The following TJP1 variants were observed in gnomAD, a reference collection of about 807,000 sequenced individuals.
TJP1 encodes tight junction protein 1.
TJP1 carries 43 observed loss-of-function variants against 194.2 expected under a neutral mutation model. That is an observed-to-expected ratio of 0.22 (90% CI 0.17 to 0.29). The LOEUF is 0.29. Among genes scored for constraint, TJP1 ranks in the 10% least tolerant of loss-of-function variants. The pLI, the probability that TJP1 is intolerant of heterozygous loss-of-function variation, is 1.00. For synonymous variants in TJP1, 801 were observed against 779.0 expected, an observed-to-expected ratio of 1.03 and a Z score of -0.47; for missense variants, 1,971 against 2,185.7, an observed-to-expected ratio of 0.90 and a Z score of 1.96.
Position 29,832,131 on chromosome 15 carries a change from A to G in TJP1, c.307-31429T>C, listed in dbSNP as rs368014504. 2.0e-5 allele frequency among the ~76,000 whole-genome samples: 3 copies of G among 152,180 alleles called. No homozygotes were observed. The East Asian group carries it at 5.8e-4, about 30-fold the overall frequency. On this transcript the variant is annotated intron_variant, in intron 2 of 28. Transcript: ENST00000356107. ...TGGAGTCTTTTCTTCCATCCCTTGA[A>G]TCTGGTCAGCAGTGAGAACTGCTTT...
chr15:29,809,348 T>A (rs367998356), intron 1 of TJP1, among the ~76,000 whole-genome samples: 2 of 152,182 alleles, frequency 1.3e-5, no homozygotes, highest in Non-Finnish European at 2.9e-5. Context: ...CCAACCACCA[T>A]TGTAATCACC....
intron 10 of TJP1, 186 bp downstream of exon 10, chr15:29,741,145 T>C (rs1480044095): frequency 8.4e-6 from 4 of 478,148 alleles, no homozygotes; most frequent in East Asian, 3.9e-5. Flanking sequence ...AAAAGTTCCT[T>C]TGTTGTCTAA....
At chr15:29,778,559 A>G (rs1375100811) in intron 2 of TJP1, among the ~76,000 whole-genome samples, 1 of 152,092 alleles carries the variant, frequency 6.6e-6, no homozygotes, top group Non-Finnish European at 1.5e-5. Context: ...CCTCTAACAC[A>G]AAGACCCTAA....
chr15:29,756,555 A>C (rs2045655093), intron 8 of TJP1, among the ~76,000 whole-genome samples: 1 of 152,164 alleles, frequency 6.6e-6, no homozygotes, highest in Non-Finnish European at 1.5e-5. Context: ...AGTTCTAGAC[A>C]ACAGTGAGGA....
intron 2 of TJP1, among the ~76,000 whole-genome samples, chr15:29,864,443 T>C (rs1449638224): frequency 6.6e-6 from 1 of 152,102 alleles, no homozygotes; most frequent in Non-Finnish European, 1.5e-5. Flanking sequence ...ACTGTGCATC[T>C]CATTTAGCTT....
chr15:29,816,103 C>T (rs1189385645), intron 1 of TJP1, among the ~76,000 whole-genome samples: 1 of 151,978 alleles, frequency 6.6e-6, no homozygotes, highest in East Asian at 1.9e-4. Flanking sequence ...CTTGGCTCAA[C>T]TGCAAACTCT....
At chr15:29,812,581 C>A (rs528058236) in intron 1 of TJP1, among the ~76,000 whole-genome samples, 1 of 152,152 alleles carries the variant, frequency 6.6e-6, no homozygotes, top group Non-Finnish European at 1.5e-5. Flanking sequence ...CTAAGACTTA[C>A]CTAACACCAT....
chr15:29,948,242 C>A (rs1157330206), intron 2 of TJP1, among the ~76,000 whole-genome samples: 9 of 134,248 alleles, frequency 6.7e-5, no homozygotes, highest in Non-Finnish European at 1.2e-4. Flanking sequence ...AGCCTGGCAA[C>A]AGAGCAACAC....
Position 29,833,874 on chromosome 15 carries a change from TA to T in TJP1, c.307-33173del, listed in dbSNP as rs1567116944. ...TTTTGTAAGTATATATATATATATA[TA>T]TATATATTTTTTTTTTTTTTTTTTT... is the stretch of plus-strand genomic sequence containing the variant. On this transcript the variant is annotated intron_variant, in intron 2 of 28. Coordinates refer to the TJP1 transcript ENST00000356107. Among the ~76,000 whole-genome samples the T allele has an allele frequency of 3.6e-3, 82 of 22,752 alleles. 1 individual carries two copies. The highest frequency in any genetic ancestry group is 1.0e-2 in the African/African-American group (62 of 6,228). 14.9% of individuals were successfully genotyped at this position (22,752 alleles called of 152,430 possible).
chr15:29,818,335 A>C (rs556711977), intron 1 of TJP1, among the ~76,000 whole-genome samples: 2 of 152,372 alleles, frequency 1.3e-5, no homozygotes, highest in South Asian at 4.1e-4. Flanking sequence ...ATCGTTTCTT[A>C]ACAATGATTC....
chr15:29,776,757 G>A (rs192127480), intron 2 of TJP1, among the ~76,000 whole-genome samples: 1 of 152,244 alleles, frequency 6.6e-6, no homozygotes, highest in Admixed American at 6.5e-5. Context: ...TTAAAATCAT[G>A]TGTTAATATC....
intron 18 of TJP1, among the ~76,000 whole-genome samples, chr15:29,722,785 T>C (rs2043012797): frequency 6.6e-6 from 1 of 152,190 alleles, no homozygotes; most frequent in African/African-American, 2.4e-5. Flanking sequence ...GGCTGTGCCC[T>C]GCGTGGCTAC....
At chr15:29,855,509 T>C (rs996680121) in intron 2 of TJP1, among the ~76,000 whole-genome samples, 11 of 152,200 alleles carry the variant, frequency 7.2e-5, no homozygotes, top group Admixed American at 5.9e-4. Context: ...CTCCAAAATA[T>C]GTCAACTATT....
Position 29,891,542 on chromosome 15 carries a change from C to G in TJP1, c.306+64690G>C, listed in dbSNP as rs184068352. 3.1e-3 allele frequency among the ~76,000 whole-genome samples: 477 copies of G among 152,310 alleles called. 2 individuals are homozygous for G. The highest frequency in any genetic ancestry group is 0.011 in the African/African-American group (456 of 41,576). On this transcript the variant is annotated intron_variant, in intron 2 of 28. Coordinates refer to the TJP1 transcript ENST00000356107. ...TATAAATTGAAGGTTTGTGGCAACTCTGTTCAGCATGTCTACTGGCACCAT... is the reference window on the plus strand; with the variant it reads ...TATAAATTGAAGGTTTGTGGCAACTGTGTTCAGCATGTCTACTGGCACCAT...
intron 2 of TJP1, among the ~76,000 whole-genome samples, chr15:29,781,424 T>C (rs185250070): frequency 5.9e-5 from 9 of 152,268 alleles, no homozygotes; most frequent in African/African-American, 2.2e-4. Flanking sequence ...ACTGAAACTA[T>C]TCCCAAAAAC....
chr15:29,830,730 G>A (rs2050812207), intron 2 of TJP1, among the ~76,000 whole-genome samples: 1 of 151,890 alleles, frequency 6.6e-6, no homozygotes, highest in African/African-American at 2.4e-5. Flanking sequence ...AAAGGACTGG[G>A]AGTAATGGAA....
intron 2 of TJP1, among the ~76,000 whole-genome samples, chr15:29,892,301 C>A (rs1233010241): frequency 1.3e-5 from 2 of 152,128 alleles, no homozygotes; most frequent in Non-Finnish European, 1.5e-5. Flanking sequence ...GAGGTTGGTT[C>A]ATGAGGTTTA....
At chr15:29,835,532 C>A (rs186854930) in intron 2 of TJP1, among the ~76,000 whole-genome samples, 44 of 152,176 alleles carry the variant, frequency 2.9e-4, no homozygotes, top group African/African-American at 1.1e-3. Context: ...TGCCTGTAGT[C>A]CCAGCTACTG....
intron 20 of TJP1, 51 bp downstream of exon 20, chr15:29,719,726 T>C (rs1302355896): frequency 1.3e-6 from 2 of 1,579,722 alleles, no homozygotes; most frequent in Non-Finnish European, 1.7e-6. Context: ...AATGATCATG[T>C]GCCAGATTGA....
Sources: gnomAD v4.1 joint callset for allele counts (sites outside exome capture counted in the v4.1 genomes callset) on GRCh38, gnomAD v4.1.1 for gene constraint, MANE v1.5 for transcripts, NCBI Gene and HGNC (gene_info 2026-07-23, HGNC 2026-07-21) for gene names.